EIPR1: variants seen among roughly 807,000 people sequenced by gnomAD.
EIPR1 encodes EARP and GARP complex-interacting protein 1.
A neutral mutation model predicts 48.1 loss-of-function variants in EIPR1; 25 were observed. The observed-to-expected ratio is 0.52, with a 90% confidence interval of 0.38 to 0.73. The LOEUF is 0.73. Among genes scored for constraint, EIPR1 ranks in the 30% least tolerant of loss-of-function variants. The probability of loss-of-function intolerance (pLI) is 0.00; values close to 1 mark genes in which losing one functional copy is unlikely to be tolerated. For missense variants in EIPR1, 415 were observed against 506.2 expected (o/e 0.82, Z 1.73); for synonymous variants, 204 against 201.9 (o/e 1.01, Z -0.09).
intron 5 of EIPR1, among the ~76,000 whole-genome samples, chr2:3,205,132 A>G (rs1665185595): frequency 6.6e-6 from 1 of 152,210 alleles, no homozygotes; most frequent in African/African-American, 2.4e-5. Flanking sequence ...GGCGTGTCCC[A>G]GGTTGTGCAC....
chr2:3,218,762 A>G (rs1286130336), intron 4 of EIPR1, among the ~76,000 whole-genome samples: 30 of 133,836 alleles, frequency 2.2e-4, no homozygotes, highest in Middle Eastern at 5.9e-3. Context: ...CACGACCCTG[A>G]TACACTCTAG....
chr2:3,200,824 C>T (rs1665008079), intron 5 of EIPR1, among the ~76,000 whole-genome samples: 1 of 152,144 alleles, frequency 6.6e-6, no homozygotes, highest in Non-Finnish European at 1.5e-5. Flanking sequence ...AGGGCTGGAA[C>T]CAAGCACTGA....
chr2:3,331,168 CAGAGGCAGGTGTACACTCATATGGTGTG>C, intron 3 of EIPR1, among the ~76,000 whole-genome samples: 1 of 116,832 alleles, frequency 8.6e-6, no homozygotes, highest in African/African-American at 3.3e-5. Context: ...ATGGTGTGAG[CAGAGGCAGGTGTACACTCATATGGTGTG>C]AGCAGAGGCA....
At chr2:3,248,218 TG>T (rs1392050115) in intron 4 of EIPR1, among the ~76,000 whole-genome samples, 51 of 152,150 alleles carry the variant, frequency 3.4e-4, no homozygotes, top group Non-Finnish European at 1.9e-4. Context: ...AAGGCCGAGG[TG>T]GGTGGATCAC....
At chr2:3,346,006 C>G (rs903176294) in intron 2 of EIPR1, among the ~76,000 whole-genome samples, 6 of 152,254 alleles carry the variant, frequency 3.9e-5, no homozygotes, top group Non-Finnish European at 7.3e-5. Context: ...CCTTATGAAA[C>G]AGATGACTGG....
chr2:3,293,533 C>T (rs1572404660), intron 3 of EIPR1, among the ~76,000 whole-genome samples: 1 of 152,354 alleles, frequency 6.6e-6, no homozygotes, highest in South Asian at 2.1e-4. Flanking sequence ...CACAGAAGAC[C>T]TGCTTCAAAG....
At chr2:3,217,717 A>G (rs1464281858) in intron 4 of EIPR1, among the ~76,000 whole-genome samples, 1 of 152,136 alleles carries the variant, frequency 6.6e-6, no homozygotes. Context: ...ATCTGATGGC[A>G]GATATTCAGA....
intron 8 of EIPR1, among the ~76,000 whole-genome samples, chr2:3,190,523 G>A (rs539814794): frequency 3.9e-5 from 6 of 152,324 alleles, no homozygotes; most frequent in East Asian, 3.9e-4. Flanking sequence ...CATCAGGACT[G>A]AGGGATGTCC....
intron 4 of EIPR1, among the ~76,000 whole-genome samples, chr2:3,247,693 A>G (rs1300455823): frequency 6.6e-6 from 1 of 152,232 alleles, no homozygotes; most frequent in Non-Finnish European, 1.5e-5. Context: ...TACACTCTAC[A>G]TATTGATAAG....
intron 3 of EIPR1, among the ~76,000 whole-genome samples, chr2:3,278,065 TA>T (rs1667910283): frequency 6.6e-6 from 1 of 152,154 alleles, no homozygotes; most frequent in Admixed American, 6.5e-5. Flanking sequence ...TCCCTGGGAA[TA>T]ACAGGAGGGT....
At chr2:3,220,101 T>C (rs1298209478) in intron 4 of EIPR1, among the ~76,000 whole-genome samples, 1 of 152,148 alleles carries the variant, frequency 6.6e-6, no homozygotes, top group Non-Finnish European at 1.5e-5. Flanking sequence ...TGATCTGAGG[T>C]GGAAGTTTCA....
chr2:3,236,993 G>T (rs1421834353), intron 4 of EIPR1, among the ~76,000 whole-genome samples: 1 of 152,068 alleles, frequency 6.6e-6, no homozygotes, highest in Non-Finnish European at 1.5e-5. Flanking sequence ...TAACACACGA[G>T]AAAAACAAAG....
intron 1 of EIPR1, among the ~76,000 whole-genome samples, chr2:3,362,177 A>G (rs540455079): frequency 5.9e-5 from 9 of 151,734 alleles, no homozygotes; most frequent in African/African-American, 1.9e-4. Context: ...AGCCCCTTTC[A>G]TCACACGGGG....
chr2:3,291,583 G>T (rs1039073739), intron 3 of EIPR1, among the ~76,000 whole-genome samples: 1 of 152,062 alleles, frequency 6.6e-6, no homozygotes, highest in Non-Finnish European at 1.5e-5. Flanking sequence ...TAAAAAATTG[G>T]TTTTTAAATT....
intron 5 of EIPR1, among the ~76,000 whole-genome samples, chr2:3,199,414 T>G (rs1435422110): frequency 2.0e-5 from 3 of 152,238 alleles, no homozygotes; most frequent in Non-Finnish European, 4.4e-5. Flanking sequence ...TAGGAAATTA[T>G]AAGAGCATTG....
At position 3,286,831 on chromosome 2, in the gene EIPR1, A is replaced by T. The variant is rs1160759791; in HGVS notation, c.260-29376T>A. Reference sequence around the variant, plus strand: ...AGTTGAAGCCACCGTCCAAGAACACACCAGAGTGCCAGCCGGCAGAGGGGG... The same window carrying T: ...AGTTGAAGCCACCGTCCAAGAACACTCCAGAGTGCCAGCCGGCAGAGGGGG... On this transcript the variant is annotated intron_variant, in intron 3 of 8. Transcript: ENST00000382125. This position sits in a 1 kb window ranked among gnomAD's most constrained non-coding sequence, Gnocchi z 4.2. Among the ~76,000 whole-genome samples the T allele has an allele frequency of 5.3e-5, 8 of 152,052 alleles. No homozygotes were observed. The East Asian group carries it at 1.4e-3, about 26-fold the overall frequency.
intron 4 of EIPR1, among the ~76,000 whole-genome samples, chr2:3,235,554 C>T (rs1666381486): frequency 6.6e-6 from 1 of 152,218 alleles, no homozygotes; most frequent in South Asian, 2.1e-4. Context: ...TACAGCACTG[C>T]CTAATTTTTC....
chr2:3,258,914 G>A (rs1348987165), intron 3 of EIPR1, among the ~76,000 whole-genome samples: 1 of 151,688 alleles, frequency 6.6e-6, no homozygotes, highest in African/African-American at 2.4e-5. Context: ...TGTCTACAAG[G>A]GAATTTTATT....
chr2:3,312,673 G>A lies in EIPR1; in HGVS notation c.259+25344C>T, dbSNP rs949636059. 5.9e-5 allele frequency among the ~76,000 whole-genome samples: 9 copies of A among 152,158 alleles called. No homozygotes were observed. Among genetic ancestry groups the A allele is most frequent in the Admixed American group, 5.2e-4 (8 of 15,280 alleles). ...ACTGCCTCTGTGCTCAGGGGATAAC[G>A]GCGGGGTGGGGAAGAGCCTCCACTG... On this transcript the variant is annotated intron_variant, in intron 3 of 8. Coordinates refer to ENST00000382125, the MANE Select transcript of EIPR1 (RefSeq NM_003310.5). The surrounding 1 kb of genome is among the most constrained non-coding windows in gnomAD (Gnocchi z 5.5).
Sources: allele counts gnomAD v4.1 joint callset (sites outside exome capture counted in the v4.1 genomes callset), GRCh38; gene constraint gnomAD v4.1.1; non-coding constraint Gnocchi (gnomAD v3.1); transcripts MANE v1.5; gene names NCBI Gene and HGNC (gene_info 2026-07-23, HGNC 2026-07-21).